Variants in WBP1L observed in about 807,000 individuals in gnomAD.
WBP1L encodes the protein WW domain binding protein 1 like, also known as WW domain binding protein 1-like.
Under a neutral mutation model 33.7 loss-of-function variants are expected in WBP1L, and 17 were observed. The observed-to-expected ratio is 0.50, with a 90% CI of 0.34 to 0.76. The LOEUF (loss-of-function observed/expected upper bound fraction) is 0.76, where lower values mean the gene tolerates loss of function less well. WBP1L is among the 30% of genes least tolerant of loss of function. WBP1L has a pLI of 0.01. For synonymous variants in WBP1L, 173 were observed against 190.8 expected, an observed-to-expected ratio of 0.91 and a Z score of 0.77; for missense variants, 389 against 469.4, an observed-to-expected ratio of 0.83 and a Z score of 1.58.
chr10:102,807,372 T>C (rs1843751875), intron 2 of WBP1L, among the ~76,000 whole-genome samples: 3 of 152,130 alleles, frequency 2.0e-5, no homozygotes, highest in Admixed American at 6.6e-5. Context: ...CCCTCCTTTT[T>C]CTGTCCATAT....
At chr10:102,755,281 T>C (rs1219776614) in intron 1 of WBP1L, among the ~76,000 whole-genome samples, 1 of 151,914 alleles carries the variant, frequency 6.6e-6, no homozygotes, top group Non-Finnish European at 1.5e-5. Flanking sequence ...GGTCTTGCTA[T>C]GTTGCCCAGG....
chr10:102,812,015 A>G (rs879577186), intron 3 of WBP1L, among the ~76,000 whole-genome samples: 4 of 152,230 alleles, frequency 2.6e-5, no homozygotes, highest in African/African-American at 4.8e-5. Context: ...CCGGTCACCC[A>G]TCTGCTCCTG....
chr10:102,759,595 G>A (rs1409460144), intron 1 of WBP1L, among the ~76,000 whole-genome samples: 3 of 152,244 alleles, frequency 2.0e-5, no homozygotes, highest in African/African-American at 7.2e-5. Context: ...GAACATTTGA[G>A]CTGTTTCCAG....
At chr10:102,763,052 A>G (rs115808718) in intron 1 of WBP1L, among the ~76,000 whole-genome samples, 1,618 of 152,050 alleles carry the variant, frequency 0.011, 21 homozygotes, top group African/African-American at 0.037. Flanking sequence ...AAAAATACAA[A>G]AATTAGCTGG....
intron 1 of WBP1L, among the ~76,000 whole-genome samples, chr10:102,780,046 A>G (rs1843316522): frequency 6.6e-6 from 1 of 152,216 alleles, no homozygotes; most frequent in South Asian, 2.1e-4. Flanking sequence ...TTAGTTCACC[A>G]GGTATGGGTG....
chr10:102,776,230 G>A, intron 1 of WBP1L: 3 of 1,532,306 alleles, frequency 2.0e-6, no homozygotes, highest in Non-Finnish European at 2.6e-6. Context: ...CAGTGTGCCT[G>A]CTCGGTCCCA....
intron 2 of WBP1L, among the ~76,000 whole-genome samples, chr10:102,798,436 C>CT (rs541811936): frequency 0.012 from 1,828 of 146,948 alleles, 33 homozygotes; most frequent in African/African-American, 0.042. Context: ...GTTTGCCTTT[C>CT]TTTTTTTTTT....
intron 2 of WBP1L, among the ~76,000 whole-genome samples, chr10:102,807,776 G>A (rs1238371115): frequency 6.6e-6 from 1 of 151,330 alleles, no homozygotes; most frequent in Non-Finnish European, 1.5e-5. Context: ...ATAATATTAT[G>A]TGAGTAATTT....
At position 102,813,501 on chromosome 10, in the gene WBP1L, G is replaced by T; in HGVS notation, c.*170G>T. ...TTTCCTCCATCTCCAGGTACAGTTC[G>T]GGGTGTGGATGCCTCTTCCTCCACA... On this transcript the variant is annotated 3_prime_UTR_variant, in exon 4 of 4. Transcript: ENST00000448841. The T allele has an allele frequency of 4.1e-6, 4 of 972,046 alleles. No homozygotes were observed. The South Asian group carries it at 7.0e-5, about 17-fold the overall frequency. 60.2% of individuals were successfully genotyped at this position (972,046 alleles called of 1,614,324 possible).
chr10:102,759,686 T>TA (rs1388580460), intron 1 of WBP1L, among the ~76,000 whole-genome samples: 12 of 152,172 alleles, frequency 7.9e-5, no homozygotes, highest in Non-Finnish European at 1.2e-4. Context: ...ATGGGGGTCT[T>TA]ACTATATTGC....
At chr10:102,804,387 CA>C (rs10710280) in intron 2 of WBP1L, among the ~76,000 whole-genome samples, 45,438 of 74,556 alleles carry the variant, frequency 0.61, 10,523 homozygotes, top group East Asian at 0.79. Context: ...GACCCTGTCT[CA>C]AAAAAAAAAA....
intron 1 of WBP1L, among the ~76,000 whole-genome samples, chr10:102,770,333 C>T (rs1029626486): frequency 6.6e-6 from 1 of 152,132 alleles, no homozygotes; most frequent in African/African-American, 2.4e-5. Flanking sequence ...TTATCTTAGA[C>T]ATTCTGTGTC....
chr10:102,768,733 G>C (rs966907334), intron 1 of WBP1L, among the ~76,000 whole-genome samples: 1 of 144,902 alleles, frequency 6.9e-6, no homozygotes, highest in African/African-American at 2.6e-5. Flanking sequence ...TGTCCCCCAG[G>C]CTGGAGTGCA....
At chr10:102,767,554 G>A (rs991742413) in intron 1 of WBP1L, among the ~76,000 whole-genome samples, 1 of 152,064 alleles carries the variant, frequency 6.6e-6, no homozygotes, top group Non-Finnish European at 1.5e-5. Context: ...AAAAGACTGA[G>A]GCTGCACCAA....
chr10:102,813,672 ACTGTG>A lies in WBP1L; in HGVS notation c.*343_*347del. The stretch of plus-strand genomic sequence containing the variant: ...AAAGCCCCCAAGGAAGGAGGCTGGG[ACTGTG>A]CCCTGACATGATTCTTGGTGATGGA... On this transcript the variant is annotated 3_prime_UTR_variant, in exon 4 of 4. Coordinates refer to ENST00000448841, the MANE Select transcript of WBP1L (RefSeq NM_001083913.2). The A allele has an allele frequency of 3.3e-6, 1 of 304,708 alleles. No homozygotes were observed. Among genetic ancestry groups the A allele is most frequent in the South Asian group, 6.3e-5 (1 of 15,982 alleles). 18.9% of individuals were successfully genotyped at this position (304,708 alleles called of 1,614,324 possible).
rs566527115 is a variant in WBP1L, at chr10:102,765,158, C to A, written c.90+21015C>A. Reference sequence around the variant, plus strand: ...TGCAGGTGCTCTTCTGACCTCTTAGCTGTTTGTCAGGTTTCTATGACCAGG... The same window carrying A: ...TGCAGGTGCTCTTCTGACCTCTTAGATGTTTGTCAGGTTTCTATGACCAGG... On this transcript the variant is annotated intron_variant, in intron 1 of 3. Transcript: ENST00000448841. 3.3e-5 allele frequency among the ~76,000 whole-genome samples: 5 copies of A among 152,320 alleles called. No homozygotes were observed. The South Asian group carries it at 1.0e-3, about 32-fold the overall frequency.
chr10:102,780,396 T>C (rs1027181396), intron 1 of WBP1L, among the ~76,000 whole-genome samples: 4 of 152,216 alleles, frequency 2.6e-5, no homozygotes, highest in Admixed American at 6.5e-5. Context: ...AGAAATTCCA[T>C]TATGTGTACC....
intron 1 of WBP1L, among the ~76,000 whole-genome samples, chr10:102,757,886 C>G (rs60620433): frequency 1.3e-4 from 4 of 30,874 alleles, no homozygotes; most frequent in South Asian, 1.5e-3. Context: ...TCCCCCCCCC[C>G]CTTTTTTTTT....
intron 1 of WBP1L, among the ~76,000 whole-genome samples, chr10:102,794,816 A>G (rs960028724): frequency 3.9e-5 from 6 of 152,132 alleles, no homozygotes; most frequent in Admixed American, 6.5e-5. Context: ...TTTCCATACC[A>G]CTATTGACTG....
Sources: allele counts gnomAD v4.1 joint callset (sites outside exome capture counted in the v4.1 genomes callset), GRCh38; gene constraint gnomAD v4.1.1; transcripts MANE v1.5; gene names NCBI Gene and HGNC (gene_info 2026-07-23, HGNC 2026-07-21).